CTNND2: variants seen among roughly 807,000 people sequenced by gnomAD.
CTNND2 encodes the protein catenin delta 2.
A neutral mutation model predicts 144.4 loss-of-function variants in CTNND2; 22 were observed. The observed-to-expected ratio is 0.15, with a 90% CI of 0.11 to 0.22. The LOEUF (loss-of-function observed/expected upper bound fraction) is 0.22. Ranked by LOEUF, CTNND2 falls within the 10% of genes least tolerant of loss-of-function variation. The probability of loss-of-function intolerance (pLI) is 1.00; values close to 1 mark genes in which losing one functional copy is unlikely to be tolerated. For missense variants in CTNND2, 1,353 were observed against 1,618.8 expected, an observed-to-expected ratio of 0.84 and a Z score of 2.82; for synonymous variants, 751 against 695.6, an observed-to-expected ratio of 1.08 and a Z score of -1.25.
intron 11 of CTNND2, among the ~76,000 whole-genome samples, chr5:11,180,981 G>A (rs1179277332): frequency 6.6e-6 from 1 of 152,160 alleles, no homozygotes; most frequent in Middle Eastern, 3.2e-3. Flanking sequence ...AGGTTCTGGG[G>A]AAGAACCAAG....
chr5:11,662,227 A>ATATATGTATATATATACATATATGTGTG (rs1561669379), intron 2 of CTNND2, among the ~76,000 whole-genome samples: 11 of 137,900 alleles, frequency 8.0e-5, no homozygotes, highest in Admixed American at 4.3e-4. Context: ...ATATATGTGT[A>ATATATGTATATATATACATATATGTGTG]TATATGTATA....
Position 11,047,305 on chromosome 5 carries a change from C to T in CTNND2, c.2789-24326G>A, listed in dbSNP as rs1745362440. Among the ~76,000 whole-genome samples the T allele has an allele frequency of 3.3e-5, 5 of 152,162 alleles. No individual in the cohort carries two copies. In the South Asian group the frequency reaches 8.3e-4, roughly 25 times the overall value. On this transcript the variant is annotated intron_variant, in intron 16 of 21. Transcript: ENST00000304623. ...GACTGGGCAACTGGTTCTACAGGAA[C>T]GCAGGGACCCAATCACATCACATAC...
chr5:11,340,710 T>A (rs563375858), intron 9 of CTNND2, among the ~76,000 whole-genome samples: 1 of 152,354 alleles, frequency 6.6e-6, no homozygotes, highest in African/African-American at 2.4e-5. Context: ...GTGAAAAGAC[T>A]TGGCATTTTG....
chr5:11,224,016 T>C (rs1303115104), intron 10 of CTNND2, among the ~76,000 whole-genome samples: 1 of 152,176 alleles, frequency 6.6e-6, no homozygotes, highest in Non-Finnish European at 1.5e-5. Context: ...AAAACACGAC[T>C]GAATCACCAT....
At chr5:11,009,485 C>T (rs1300212347) in intron 18 of CTNND2, among the ~76,000 whole-genome samples, 1 of 152,230 alleles carries the variant, frequency 6.6e-6, no homozygotes. Flanking sequence ...GATGTGATAT[C>T]ACCCAATCTA....
chr5:11,579,288 G>A (rs773381835), intron 2 of CTNND2, among the ~76,000 whole-genome samples: 11 of 151,972 alleles, frequency 7.2e-5, no homozygotes, highest in Non-Finnish European at 1.3e-4. Context: ...ATGTACCACC[G>A]TTGAAATCAT....
chr5:11,105,967 A>G (rs1485133027), intron 14 of CTNND2, among the ~76,000 whole-genome samples: 1 of 152,216 alleles, frequency 6.6e-6, no homozygotes, highest in Non-Finnish European at 1.5e-5. Context: ...AAGAAAGAGT[A>G]TGGTTACTAA....
intron 2 of CTNND2, among the ~76,000 whole-genome samples, chr5:11,730,285 T>C (rs1367272482): frequency 2.0e-5 from 3 of 152,214 alleles, no homozygotes; most frequent in Non-Finnish European, 4.4e-5. Context: ...GATGGTTTTA[T>C]TTTTACAGTT....
At chr5:11,462,805 G>A (rs970104933) in intron 3 of CTNND2, among the ~76,000 whole-genome samples, 11 of 151,856 alleles carry the variant, frequency 7.2e-5, no homozygotes, top group African/African-American at 2.4e-4. Context: ...TAATCTATGT[G>A]TTTCTTAACA....
chr5:11,454,031 CTG>C (rs1419234546), intron 3 of CTNND2, among the ~76,000 whole-genome samples: 6 of 152,154 alleles, frequency 3.9e-5, no homozygotes, highest in Non-Finnish European at 8.8e-5. Context: ...GCAGAATTAA[CTG>C]TTCTTAGCAG....
intron 1 of CTNND2, among the ~76,000 whole-genome samples, chr5:11,875,018 C>T (rs996900766): frequency 6.6e-6 from 1 of 152,158 alleles, no homozygotes; most frequent in Non-Finnish European, 1.5e-5. Context: ...AATTGGTTTG[C>T]CCATGTAGAA....
intron 1 of CTNND2, among the ~76,000 whole-genome samples, chr5:11,737,763 G>T (rs11955159): frequency 6.6e-6 from 1 of 151,952 alleles, no homozygotes; most frequent in Non-Finnish European, 1.5e-5. Flanking sequence ...TAATATAACA[G>T]GACTTCATGT....
intron 2 of CTNND2, among the ~76,000 whole-genome samples, chr5:11,601,337 C>G (rs1779780930): frequency 6.6e-6 from 1 of 151,976 alleles, no homozygotes; most frequent in Non-Finnish European, 1.5e-5. Flanking sequence ...TGCATAGACT[C>G]TTTCTTGCAA....
intron 2 of CTNND2, among the ~76,000 whole-genome samples, chr5:11,669,140 T>C (rs1783737592): frequency 6.6e-6 from 1 of 152,196 alleles, no homozygotes; most frequent in Non-Finnish European, 1.5e-5. Flanking sequence ...GATAAGCTTT[T>C]TGATGTGCTG....
intron 20 of CTNND2, among the ~76,000 whole-genome samples, chr5:10,983,729 T>C (rs1311495438): frequency 6.6e-6 from 1 of 152,164 alleles, no homozygotes; most frequent in Non-Finnish European, 1.5e-5. Context: ...CCATCCACCC[T>C]GTTACCAACA....
At chr5:11,083,915 C>A in intron 15 of CTNND2, 1 of 1,151,360 alleles carries the variant, frequency 8.7e-7, no homozygotes, top group Non-Finnish European at 1.1e-6. Context: ...TGGCAGTGAA[C>A]GTAGGGCATA....
chr5:10,987,598 A>G (rs530430675), intron 20 of CTNND2, among the ~76,000 whole-genome samples: 14 of 151,724 alleles, frequency 9.2e-5, no homozygotes, highest in African/African-American at 2.9e-4. Context: ...CAGCAGTTTC[A>G]TGCAGTTCCC....
chr5:11,893,574 G>A (rs1027641507), intron 1 of CTNND2, among the ~76,000 whole-genome samples: 1 of 152,082 alleles, frequency 6.6e-6, no homozygotes, highest in African/African-American at 2.4e-5. Flanking sequence ...CATTTACCAG[G>A]TATTACCAAA....
At chr5:11,689,930 T>C (rs1784818126) in intron 2 of CTNND2, among the ~76,000 whole-genome samples, 1 of 152,192 alleles carries the variant, frequency 6.6e-6, no homozygotes, top group Non-Finnish European at 1.5e-5. Context: ...GGACAGTAAA[T>C]GAGCAACATG....
Sources: allele counts gnomAD v4.1 joint callset (sites outside exome capture counted in the v4.1 genomes callset), GRCh38; gene constraint gnomAD v4.1.1; transcripts MANE v1.5; gene names NCBI Gene and HGNC (gene_info 2026-07-23, HGNC 2026-07-21).